EML1: variants seen among roughly 807,000 people sequenced by gnomAD.
The protein encoded by EML1 is EMAP like 1, also known as echinoderm microtubule-associated protein-like 1.
EML1 carries 27 observed loss-of-function variants against 110.4 expected under a neutral mutation model. The ratio of observed to expected loss-of-function variants is 0.24; its 90% CI spans 0.18 to 0.34. The LOEUF (loss-of-function observed/expected upper bound fraction) is 0.34. Among genes scored for constraint, EML1 ranks in the 10% least tolerant of loss-of-function variants. The pLI is 1.00. For missense variants in EML1, 741 were observed against 1,030.9 expected (o/e 0.72, Z 3.85); for synonymous variants, 344 against 385.8 (o/e 0.89, Z 1.27).
In EML1 at chr14:99,878,593, T is replaced by C. The variant is rs1187873179; in HGVS notation, c.492T>C (p.Ser164=). The change falls in exon 4 of 22, where the codon TCT becomes TCC. Residue 164 remains serine, a synonymous_variant. Transcript: ENST00000262233. ...ATCGCACAGGCTCCACCAGCAGCTC[T>C]TCCAGTGGCAAAAAGAACAGTGAAA... is the stretch of plus-strand genomic sequence containing the variant. ...NRNRTGSTSS[S]SSGKKNSESK... is the part of the protein sequence containing the mutation. 6.2e-7 allele frequency: 1 copy of C among 1,613,828 alleles called. No homozygotes were observed. The highest frequency in any genetic ancestry group is 8.5e-7 in the Non-Finnish European group (1 of 1,179,866).
chr14:99,847,258 A>G (rs2139819603), intron 1 of EML1, among the ~76,000 whole-genome samples: 1 of 152,348 alleles, frequency 6.6e-6, no homozygotes, highest in East Asian at 1.9e-4. Flanking sequence ...AATGTACCGT[A>G]TGCACTGCTA....
intron 1 of EML1, among the ~76,000 whole-genome samples, chr14:99,786,348 C>G (rs1467710783): frequency 1.3e-5 from 2 of 152,138 alleles, no homozygotes; most frequent in Non-Finnish European, 2.9e-5. Flanking sequence ...ATTTGAAAAC[C>G]TATCATGTGT....
intron 5 of EML1, among the ~76,000 whole-genome samples, chr14:99,891,432 A>C (rs552838180): frequency 2.8e-4 from 42 of 152,332 alleles, no homozygotes; most frequent in African/African-American, 9.9e-4. Context: ...ATAAAGAGCA[A>C]ACCCTTCACC....
upstream of EML1, among the ~76,000 whole-genome samples, chr14:99,770,085 T>C (rs2057407454): frequency 1.3e-5 from 2 of 152,196 alleles, no homozygotes; most frequent in South Asian, 2.1e-4. Flanking sequence ...TTCCCCCCCA[T>C]TTCCCCTAAG....
chr14:99,792,790 C>T (rs1245474590), upstream of EML1: 2 of 152,344 alleles, frequency 1.3e-5, no homozygotes, highest in African/African-American at 4.8e-5. Context: ...TTGCCAGTCC[C>T]GTGCTAAGTC....
At chr14:99,804,005 A>T (rs1317995543) in intron 1 of EML1, among the ~76,000 whole-genome samples, 3 of 152,216 alleles carry the variant, frequency 2.0e-5, no homozygotes, top group Non-Finnish European at 2.9e-5. Flanking sequence ...AGGGGACTGT[A>T]TGGAGCTATA....
At chr14:99,754,718 C>T (rs529465081) in intron 1 of EML1, among the ~76,000 whole-genome samples, 4 of 152,326 alleles carry the variant, frequency 2.6e-5, no homozygotes, top group African/African-American at 4.8e-5. Context: ...CTACCAGCTG[C>T]GTTATCTCAG....
chr14:99,818,138 G>T (rs1057318302), intron 1 of EML1, among the ~76,000 whole-genome samples: 1 of 151,912 alleles, frequency 6.6e-6, no homozygotes, highest in Non-Finnish European at 1.5e-5. Context: ...GATAAGAGGG[G>T]GCCAAAGAAG....
chr14:99,778,127 T>C (rs2057502860), intron 1 of EML1, among the ~76,000 whole-genome samples: 1 of 152,208 alleles, frequency 6.6e-6, no homozygotes, highest in South Asian at 2.1e-4. Flanking sequence ...TTTTAATCTG[T>C]TAATGTCCTG....
intron 4 of EML1, among the ~76,000 whole-genome samples, chr14:99,887,533 TC>T (rs1344595045): frequency 6.6e-6 from 1 of 151,740 alleles, no homozygotes; most frequent in Non-Finnish European, 1.5e-5. Flanking sequence ...CTGGGCATTC[TC>T]CCCCGCACCC....
In EML1 at chr14:99,894,682, C is replaced by T; in HGVS notation, c.601C>T (p.Pro201Ser). Residue 201 changes from proline to serine, a missense_variant, in exon 6 of 22, where the codon CCC becomes TCC. By Grantham distance (74) the Pro-to-Ser change is moderately conservative (BLOSUM62 -1). Coordinates refer to ENST00000262233, the MANE Select transcript of EML1 (RefSeq NM_004434.3). ...TGGACGCCCTGTTACCATGTACATG[C>T]CCAAAGATCAAGTGGATTCTTACAG... ...LRGRPVTMYM[P>S]KDQVDSYSLE... is the part of the protein sequence containing the mutation. 2 of 1,613,684 alleles carry T rather than the reference C, an allele frequency of 1.2e-6. No individual in the cohort carries two copies. The highest frequency in any genetic ancestry group is 1.7e-6 in the Non-Finnish European group (2 of 1,179,842).
At chr14:99,749,338 C>A (rs555231513) in intron 1 of EML1, among the ~76,000 whole-genome samples, 1 of 152,030 alleles carries the variant, frequency 6.6e-6, no homozygotes, top group Non-Finnish European at 1.5e-5. Flanking sequence ...GTCTTCTCGC[C>A]CCCCCAGCCA....
Position 99,781,040 on chromosome 14 carries a change from C to A in EML1, c.-27+7027C>A, listed in dbSNP as rs2057534109. The stretch of plus-strand genomic sequence containing the variant: ...CACCTCATCCTTTAACCTTCCTCTC[C>A]CGGGTGATGAAGCATCTCTCCTTCT... On this transcript the variant is annotated intron_variant, in intron 1 of 22. Transcript: ENST00000327921. This position sits in a 1 kb window ranked among gnomAD's most constrained non-coding sequence, Gnocchi z 4.2. Among the ~76,000 whole-genome samples the A allele has an allele frequency of 1.3e-5, 2 of 152,144 alleles. No individual in the cohort carries two copies. The highest frequency in any genetic ancestry group is 2.9e-5 in the Non-Finnish European group (2 of 68,008).
chr14:99,790,441 C>T (rs537070986), upstream of EML1, among the ~76,000 whole-genome samples: 2 of 152,112 alleles, frequency 1.3e-5, no homozygotes, highest in East Asian at 1.9e-4. Flanking sequence ...GGGCCCAAGT[C>T]GTCCTCGCAC....
intron 1 of EML1, among the ~76,000 whole-genome samples, chr14:99,803,402 A>G (rs912413717): frequency 1.3e-5 from 2 of 152,234 alleles, no homozygotes; most frequent in Non-Finnish European, 2.9e-5. Context: ...TTATACACAC[A>G]TGCACACATG....
chr14:99,768,088 C>T (rs2057385359), upstream of EML1, among the ~76,000 whole-genome samples: 1 of 152,158 alleles, frequency 6.6e-6, no homozygotes, highest in Admixed American at 6.5e-5. Context: ...GTCACTCCTT[C>T]GACTTCCCAG....
intron 1 of EML1, among the ~76,000 whole-genome samples, chr14:99,786,132 T>C (rs1340589271): frequency 2.0e-5 from 3 of 150,920 alleles, no homozygotes; most frequent in Non-Finnish European, 2.9e-5. Flanking sequence ...TTCAGGTTAC[T>C]AAAGGGAGAT....
chr14:99,840,984 G>A (rs2058623288), intron 1 of EML1, among the ~76,000 whole-genome samples: 1 of 152,138 alleles, frequency 6.6e-6, no homozygotes, highest in African/African-American at 2.4e-5. Context: ...CTGAAACTGC[G>A]GGTGATGTAG....
chr14:99,925,153 T>C (rs1434000342), intron 17 of EML1, among the ~76,000 whole-genome samples: 1 of 152,222 alleles, frequency 6.6e-6, no homozygotes, highest in African/African-American at 2.4e-5. Context: ...TGGTGTTATA[T>C]TAAATATTTG....
Sources: gnomAD v4.1 joint callset for allele counts (sites outside exome capture counted in the v4.1 genomes callset) on GRCh38, gnomAD v4.1.1 for gene constraint, Gnocchi (gnomAD v3.1) non-coding constraint, MANE v1.5 for transcripts, NCBI Gene and HGNC (gene_info 2026-07-23, HGNC 2026-07-21) for gene names.